Variants in FGF13 observed in about 807,000 individuals in gnomAD.
FGF13 encodes fibroblast growth factor 13.
Under a neutral mutation model 19.5 loss-of-function variants are expected in FGF13, and 2 were observed. That is an observed-to-expected ratio of 0.10 (90% CI 0.04 to 0.32). The LOEUF is 0.32. Among genes scored for constraint, FGF13 ranks in the 10% least tolerant of loss-of-function variants. The pLI is 1.00. For missense variants in FGF13, 113 were observed against 192.7 expected (o/e 0.59, Z 2.45); for synonymous variants, 72 against 76.9 (o/e 0.94, Z 0.33).
chrX:138,656,498 T>C, intron 3 of FGF13, among the ~76,000 whole-genome samples: 1 of 111,424 alleles, frequency 9.0e-6, no homozygotes, highest in East Asian at 2.8e-4. Context: ...TCAAAGCTGA[T>C]AGCAACAGCA....
intron 1 of FGF13, among the ~76,000 whole-genome samples, chrX:138,966,647 T>C (rs1231962249): frequency 8.9e-6 from 1 of 111,872 alleles, no homozygotes; most frequent in Non-Finnish European, 1.9e-5. Context: ...GATAAGACTT[T>C]GGACTTGGAG....
chrX:139,122,801 C>T (rs1603209764), intron 1 of FGF13, among the ~76,000 whole-genome samples: 2 of 111,497 alleles, frequency 1.8e-5, no homozygotes, highest in African/African-American at 3.3e-5. Flanking sequence ...TACTCCCACA[C>T]CTGCATCCAA....
chrX:138,742,641 G>C (rs775651083), upstream of FGF13, among the ~76,000 whole-genome samples: 1 of 111,745 alleles, frequency 8.9e-6, no homozygotes, highest in Non-Finnish European at 1.9e-5. Context: ...TCCAGCCCAA[G>C]GAGTTACAGA....
chrX:138,875,723 C>T (rs929355758), intron 1 of FGF13, among the ~76,000 whole-genome samples: 4 of 111,360 alleles, frequency 3.6e-5, no homozygotes, highest in African/African-American at 1.3e-4. Context: ...AATAATTCTT[C>T]ATGCCTGGTG....
chrX:139,082,428 A>G (rs186499059), intron 1 of FGF13, among the ~76,000 whole-genome samples: 2 of 111,810 alleles, frequency 1.8e-5, no homozygotes, highest in African/African-American at 6.5e-5. Context: ...TTATTTAGAA[A>G]ATAGAGGGTC....
At chrX:139,131,196 T>C (rs2083757610) in intron 1 of FGF13, among the ~76,000 whole-genome samples, 1 of 111,465 alleles carries the variant, frequency 9.0e-6, no homozygotes, top group Non-Finnish European at 1.9e-5. Context: ...TGGTAGAAAG[T>C]ATAGCATAGG....
chrX:139,174,180 GT>G (rs2148264927), intron 1 of FGF13, among the ~76,000 whole-genome samples: 1 of 112,375 alleles, frequency 8.9e-6, no homozygotes, highest in South Asian at 3.7e-4. Context: ...TCATATGTTT[GT>G]TGGCCACATA....
chrX:139,162,428 C>CA (rs1379169893), intron 1 of FGF13, among the ~76,000 whole-genome samples: 1 of 112,179 alleles, frequency 8.9e-6, no homozygotes, highest in Non-Finnish European at 1.9e-5. Context: ...GACCTAAAAC[C>CA]ATGAACACCC....
At chrX:138,976,401 T>A (rs927919404) in intron 1 of FGF13, among the ~76,000 whole-genome samples, 2 of 111,600 alleles carry the variant, frequency 1.8e-5, no homozygotes, top group Non-Finnish European at 3.8e-5. Context: ...TGGCAGCAAC[T>A]TGGATGGAGC....
At chrX:138,650,136 G>T (rs182638805) in intron 3 of FGF13, among the ~76,000 whole-genome samples, 49 of 111,818 alleles carry the variant, frequency 4.4e-4, no homozygotes, top group African/African-American at 1.5e-3. Flanking sequence ...CTTACAGCAA[G>T]AAGACAACAG....
rs150087541 is a variant in FGF13 at position 138,954,836 on chromosome X, A to G, written c.-112-90186T>C. On this transcript the variant is annotated intron_variant, in intron 1 of 2. Coordinates refer to the FGF13 transcript ENST00000421460. ...TCTGTGGGGAAAAATACCGTCTTTG[A>G]GGACCACTAGCAACGTTTTCTTATT... Among the ~76,000 whole-genome samples the G allele has an allele frequency of 4.6e-3, 522 of 112,263 alleles. 2 individuals carry two copies. The highest frequency in any genetic ancestry group is 0.016 in the African/African-American group (494 of 30,895).
intron 1 of FGF13, among the ~76,000 whole-genome samples, chrX:138,980,766 T>C (rs767995186): frequency 4.6e-5 from 5 of 109,076 alleles, no homozygotes; most frequent in Non-Finnish European, 7.6e-5. Context: ...TTCTGGATGA[T>C]AAGAATGAAT....
chrX:138,825,025 G>T (rs868186275), intron 3 of FGF13, among the ~76,000 whole-genome samples: 8 of 111,787 alleles, frequency 7.2e-5, no homozygotes, highest in African/African-American at 2.6e-4. Flanking sequence ...CCTTTAAAGA[G>T]GATGACTCTA....
chrX:139,133,714 T>G (rs2083779238), intron 1 of FGF13, among the ~76,000 whole-genome samples: 1 of 111,198 alleles, frequency 9.0e-6, no homozygotes, highest in Non-Finnish European at 1.9e-5. Flanking sequence ...CCCAGGTGAC[T>G]TCAACACACA....
chrX:138,907,895 C>T (rs185321516), intron 1 of FGF13, among the ~76,000 whole-genome samples: 7 of 110,836 alleles, frequency 6.3e-5, no homozygotes, highest in South Asian at 3.9e-4. Context: ...AAGCACTGAG[C>T]GTGAAGTCAG....
At chrX:139,150,702 T>C in intron 1 of FGF13, among the ~76,000 whole-genome samples, 2 of 111,918 alleles carry the variant, frequency 1.8e-5, no homozygotes, top group Middle Eastern at 9.1e-3. Flanking sequence ...AGGAACAAGA[T>C]AGAAACAGCC....
At chrX:138,994,972 C>T (rs2092034880) in intron 1 of FGF13, among the ~76,000 whole-genome samples, 1 of 76,604 alleles carries the variant, frequency 1.3e-5, no homozygotes, top group African/African-American at 5.0e-5. Context: ...ACCAATTCAA[C>T]AACTATGTAA....
At chrX:138,914,636 CTT>C (rs34940979) in intron 1 of FGF13, among the ~76,000 whole-genome samples, 28 of 76,933 alleles carry the variant, frequency 3.6e-4, no homozygotes, top group Admixed American at 6.1e-4. Flanking sequence ...TTGTGTTGGA[CTT>C]TTTTTTTTTT....
At chrX:139,090,814 G>A (rs898006579) in intron 1 of FGF13, among the ~76,000 whole-genome samples, 3 of 109,057 alleles carry the variant, frequency 2.8e-5, no homozygotes, top group East Asian at 2.9e-4. Flanking sequence ...GCTAGTGCAC[G>A]GCTGCAGTCC....
Sources: gnomAD v4.1 joint callset for allele counts (sites outside exome capture counted in the v4.1 genomes callset) on GRCh38, gnomAD v4.1.1 for gene constraint, MANE v1.5 for transcripts, NCBI Gene and HGNC (gene_info 2026-07-23, HGNC 2026-07-21) for gene names.